Variants in TBC1D10C observed in about 807,000 individuals in gnomAD.
The protein encoded by TBC1D10C is TBC1 domain family member 10C.
In TBC1D10C, 49 loss-of-function variants were observed where a neutral mutation model predicts 51.0. The ratio of observed to expected loss-of-function variants is 0.96; its 90% CI spans 0.76 to 1.22. The LOEUF (loss-of-function observed/expected upper bound fraction) is 1.22. Ranked by LOEUF, TBC1D10C falls within the 50% of genes most tolerant of loss-of-function variation. TBC1D10C has a pLI of 0.00. For missense variants in TBC1D10C, 541 were observed against 617.5 expected, an observed-to-expected ratio of 0.88 and a Z score of 1.31; for synonymous variants, 281 against 266.7, an observed-to-expected ratio of 1.05 and a Z score of -0.52.
chr11:67,406,611 C>A lies in TBC1D10C; in HGVS notation c.583-16C>A. ...TTGGTGAGCACTTACAGGCCTGTGC[C>A]CTGCCCCTTCCCCAGGAGGCCTTCT... On this transcript the variant is annotated splice_polypyrimidine_tract_variant and intron_variant, in intron 5 of 8. Coordinates refer to ENST00000542590, the MANE Select transcript of TBC1D10C (RefSeq NM_001369496.1). 6.4e-7 allele frequency: 1 copy of A among 1,559,926 alleles called. No individual in the cohort carries two copies. The highest frequency in any genetic ancestry group is 8.7e-7 in the Non-Finnish European group (1 of 1,150,894).
At chr11:67,404,868 C>T in intron 1 of TBC1D10C, 1 of 551,776 alleles carries the variant, frequency 1.8e-6, no homozygotes, top group Non-Finnish European at 3.2e-6. Flanking sequence ...CACACCCACT[C>T]ACCCCTTCAG....
In TBC1D10C at chr11:67,409,078, G is replaced by C; in HGVS notation, c.938G>C (p.Gly313Ala). 6.2e-7 allele frequency: 1 copy of C among 1,602,732 alleles called. No individual in the cohort carries two copies. Among genetic ancestry groups the C allele is most frequent in the Non-Finnish European group, 8.5e-7 (1 of 1,176,130 alleles). The change falls in exon 8 of 9, where the codon GGA becomes GCA. Residue 313 changes from glycine to alanine, a missense_variant. Coordinates refer to ENST00000542590, the MANE Select transcript of TBC1D10C (RefSeq NM_001369496.1). The part of the protein sequence containing the change: ...GACPGLLETL[G>A]ALRAIPPAQL... ...TGCCCTGGCCTCCTGGAGACACTGGGAGCCCTTCGAGCCATCCCCCCCGCG... is the reference window on the plus strand; with the variant it reads ...TGCCCTGGCCTCCTGGAGACACTGGCAGCCCTTCGAGCCATCCCCCCCGCG...
chr11:67,409,325 G>T, intron 8 of TBC1D10C, 82 bp from the exon 9 acceptor site: 1 of 1,464,974 alleles, frequency 6.8e-7, no homozygotes, highest in South Asian at 1.3e-5. Flanking sequence ...TCAGTCCTCA[G>T]CCACTTCCTG....
In TBC1D10C at chr11:67,409,511, C is replaced by T; in HGVS notation, c.1098C>T (p.Val366=). 6.5e-7 allele frequency: 1 copy of T among 1,548,416 alleles called. No individual in the cohort carries two copies. The highest frequency in any genetic ancestry group is 1.2e-5 in the South Asian group (1 of 83,988). The change falls in exon 9 of 9, where the codon GTC becomes GTT. Residue 366 remains valine, a synonymous_variant. Transcript: ENST00000542590. ...CGGGACCCCCGCCCCGGCCACAGGT[C>T]CGCCTCGCCGGGGCCCAAGCCATCT... is the stretch of plus-strand genomic sequence containing the variant. ...SAPGPPPRPQ[V]RLAGAQAIFE... is the part of the protein sequence containing the mutation.
In TBC1D10C at chr11:67,404,226, C is replaced by G; in HGVS notation, c.24C>G (p.Asp8Glu). 6.3e-7 allele frequency: 1 copy of G among 1,575,566 alleles called. No homozygotes were observed. Among genetic ancestry groups the G allele is most frequent in the Non-Finnish European group, 8.6e-7 (1 of 1,156,200 alleles). ...CCATGGCCCAGGCCCTGGGGGAGGA[C>G]CTGGTGCAGCCTCCCGAGCTGCAGG... MAQALGE[D>E]LVQPPELQDD... The change falls in exon 1 of 9, where the codon GAC (aspartate) becomes GAG (glutamate). Residue 8 changes from aspartate (D) to glutamate (E), a missense_variant. By Grantham distance (45) the Asp-to-Glu change is conservative. Coordinates refer to ENST00000542590, the MANE Select transcript of TBC1D10C (RefSeq NM_001369496.1).
intron 5 of TBC1D10C, 79 bp from the exon 6 acceptor site, chr11:67,406,548 C>G: frequency 7.5e-7 from 1 of 1,338,534 alleles, no homozygotes; most frequent in Admixed American, 2.0e-5. Flanking sequence ...CCCTTCACTC[C>G]TTTCCCCTGT....
intron 5 of TBC1D10C, chr11:67,406,323 AG>A: frequency 2.0e-6 from 1 of 512,558 alleles, no homozygotes; most frequent in Non-Finnish European, 3.4e-6. Flanking sequence ...CCAGAAACCC[AG>A]GACTTGAACT....
rs11227787 is a variant in TBC1D10C, at chr11:67,409,265, C to G, written c.993+132C>G. 0.023 allele frequency: 32,075 copies of G among 1,399,410 alleles called. 441 individuals are homozygous for G. The highest frequency in any genetic ancestry group is 0.051 in the East Asian group (2,031 of 39,720). The allele number at this position is 1,399,410 out of a possible 1,614,324, so 86.7% of individuals were successfully genotyped here. A position where few individuals can be genotyped will look rare whatever the true frequency, so the allele number is the denominator to read the frequency against. On this transcript the variant is annotated intron_variant, in intron 8 of 8. Coordinates refer to ENST00000542590, the MANE Select transcript of TBC1D10C (RefSeq NM_001369496.1). ...CCTGAGCTTCAGAGAACACAAAAAC[C>G]TGAGGCCTCCAGTGGCTTTCTGTGG...
At position 67,404,186 on chromosome 11, in the gene TBC1D10C, C is replaced by T. The variant is rs781611858; in HGVS notation, c.-17C>T. 12 of 1,498,296 alleles carry T rather than the reference C, an allele frequency of 8.0e-6. No homozygotes were observed. Among genetic ancestry groups the T allele is most frequent in the South Asian group, 6.3e-5 (5 of 79,514 alleles). 92.8% of individuals were successfully genotyped at this position (1,498,296 alleles called of 1,614,324 possible). On this transcript the variant is annotated 5_prime_UTR_variant, in exon 1 of 9. Coordinates refer to ENST00000542590, the MANE Select transcript of TBC1D10C (RefSeq NM_001369496.1). ...TCCCCACTTTCTCTGCCTGTGGCATCGAAGGCCCCGGGCACCATGGCCCAG... is the reference window on the plus strand; with the variant it reads ...TCCCCACTTTCTCTGCCTGTGGCATTGAAGGCCCCGGGCACCATGGCCCAG...
Position 67,409,120 on chromosome 11 carries a change from C to A in TBC1D10C, c.980C>A (p.Ala327Asp). The A allele has an allele frequency of 6.3e-7, 1 of 1,596,200 alleles. No individual in the cohort carries two copies. The highest frequency in any genetic ancestry group is 8.5e-7 in the Non-Finnish European group (1 of 1,172,702). Residue 327 changes from alanine to aspartate, a missense_variant, in exon 8 of 9, where the codon GCC becomes GAC. Coordinates refer to ENST00000542590, the MANE Select transcript of TBC1D10C (RefSeq NM_001369496.1). Reference sequence around the variant, plus strand: ...CCCCCCGCGCAGCTGCAGGAGGAGGCCTTCATGTCACAGGTGGGTACCCCC... The same window carrying A: ...CCCCCCGCGCAGCTGCAGGAGGAGGACTTCATGTCACAGGTGGGTACCCCC... ...AIPPAQLQEE[A>D]FMSQVHSVVL...
chr11:67,404,110 A>G lies in TBC1D10C; in HGVS notation c.-93A>G. 6 of 1,379,636 alleles carry G rather than the reference A, an allele frequency of 4.3e-6. No homozygotes were observed. The highest frequency in any genetic ancestry group is 4.7e-6 in the Non-Finnish European group (5 of 1,063,414). 85.5% of individuals were successfully genotyped at this position (1,379,636 alleles called of 1,614,324 possible). A position where few individuals can be genotyped will look rare whatever the true frequency, so the allele number is the denominator to read the frequency against. Reference sequence around the variant, plus strand: ...GATACCCTGAAACCTCCCCCCTCTGACCCCGCAGCCAGGCCCCAGGCTGGC... The same window carrying G: ...GATACCCTGAAACCTCCCCCCTCTGGCCCCGCAGCCAGGCCCCAGGCTGGC... On this transcript the variant is annotated 5_prime_UTR_variant, in exon 1 of 9. Coordinates refer to ENST00000542590, the MANE Select transcript of TBC1D10C (RefSeq NM_001369496.1).
rs1863380729 is a variant in TBC1D10C, at chr11:67,409,843, C to T, written c.*89C>T. 8.3e-7 allele frequency: 1 copy of T among 1,202,908 alleles called. No homozygotes were observed. The allele number at this position is 1,202,908 out of a possible 1,614,324, so 74.5% of individuals were successfully genotyped here. Reference sequence around the variant, plus strand: ...TAGGCACCGCACTTTACTCTTGGGACTCGGGGACTTGGCTTCCTTCCTGGC... The same window carrying T: ...TAGGCACCGCACTTTACTCTTGGGATTCGGGGACTTGGCTTCCTTCCTGGC... On this transcript the variant is annotated 3_prime_UTR_variant, in exon 9 of 9. Transcript: ENST00000542590.
upstream of TBC1D10C, chr11:67,404,009 C>T (rs1351108300): frequency 1.7e-6 from 1 of 594,576 alleles, no homozygotes; most frequent in African/African-American, 1.9e-5. Flanking sequence ...GGTCTCCGGA[C>T]AGAGGCCTGG....
chr11:67,405,125 A>C lies in TBC1D10C; in HGVS notation c.193A>C (p.Met65Leu). Residue 65 changes from methionine to leucine, a missense_variant, in exon 2 of 9, where the codon ATG becomes CTG. Transcript: ENST00000542590. ...PPADLIRQRE[M>L]KWVEMTSHWE... ...TGCAGACCTCATCCGCCAACGGGAG[A>C]TGAAGTGGGTGGAGATGACCTCGCA... 1.3e-6 allele frequency: 2 copies of C among 1,551,416 alleles called. No individual in the cohort carries two copies. Among genetic ancestry groups the C allele is most frequent in the East Asian group, 4.9e-5 (2 of 40,916 alleles).
Position 67,409,822 on chromosome 11 carries a change from C to T in TBC1D10C, c.*68C>T. On this transcript the variant is annotated 3_prime_UTR_variant, in exon 9 of 9. Transcript: ENST00000542590. ...GGCTGATGCCGGCCCGGCAAATAGG[C>T]ACCGCACTTTACTCTTGGGACTCGG... 1 of 1,355,508 alleles carries T rather than the reference C, an allele frequency of 7.4e-7. No homozygotes were observed. The allele number at this position is 1,355,508 out of a possible 1,614,324, so 84.0% of individuals were successfully genotyped here. A position where few individuals can be genotyped will look rare whatever the true frequency, so the allele number is the denominator to read the frequency against.
At chr11:67,407,087 G>A in intron 7 of TBC1D10C, 71 bp downstream of exon 7, 1 of 1,507,798 alleles carries the variant, frequency 6.6e-7, no homozygotes, top group Non-Finnish European at 8.9e-7. Context: ...ACCAGCTCCA[G>A]GGTTCCCTTT....
chr11:67,408,960 A>G lies in TBC1D10C; in HGVS notation c.839-19A>G. On this transcript the variant is annotated intron_variant, in intron 7 of 8. Coordinates refer to ENST00000542590, the MANE Select transcript of TBC1D10C (RefSeq NM_001369496.1). ...AGGGGCAGGGCCGGCCTCCCAGTGA[A>G]TAAGCCCCCGGCCTGCAGGTGCCAG... The G allele has an allele frequency of 1.3e-6, 2 of 1,532,786 alleles. No individual in the cohort carries two copies. The highest frequency in any genetic ancestry group is 1.8e-6 in the Non-Finnish European group (2 of 1,142,008). 94.9% of individuals were successfully genotyped at this position (1,532,786 alleles called of 1,614,324 possible).
Position 67,405,393 on chromosome 11 carries a change from C to A in TBC1D10C, c.253-6C>A, listed in dbSNP as rs377406493. The A allele has an allele frequency of 9.9e-6, 16 of 1,612,866 alleles. No individual in the cohort carries two copies. In the East Asian group the frequency reaches 3.6e-4, roughly 36 times the overall value. Reference sequence around the variant, plus strand: ...TGCCTAGTGGAGCCCTTGGCCTCACCCACAGGTAAAGATGCAGTGCCGGAA... The same window carrying A: ...TGCCTAGTGGAGCCCTTGGCCTCACACACAGGTAAAGATGCAGTGCCGGAA... On this transcript the variant is annotated splice_region_variant and splice_polypyrimidine_tract_variant and intron_variant, in intron 2 of 8. Coordinates refer to ENST00000542590, the MANE Select transcript of TBC1D10C (RefSeq NM_001369496.1).
intron 1 of TBC1D10C, among the ~76,000 whole-genome samples, chr11:67,404,593 C>T (rs1015853586): frequency 1.9e-4 from 29 of 152,276 alleles, no homozygotes; most frequent in African/African-American, 6.7e-4. Context: ...GCAGAACATC[C>T]TTCCCCTTTG....
Sources: gnomAD v4.1 joint callset for allele counts (sites outside exome capture counted in the v4.1 genomes callset) on GRCh38, gnomAD v4.1.1 for gene constraint, MANE v1.5 for transcripts, NCBI Gene and HGNC (gene_info 2026-07-23, HGNC 2026-07-21) for gene names.